SBNO2: variants seen among roughly 807,000 people sequenced by gnomAD.
The protein encoded by SBNO2 is protein strawberry notch homolog 2.
SBNO2 carries 89 observed loss-of-function variants against 146.3 expected under a neutral mutation model. The observed-to-expected ratio is 0.61, with a 90% CI of 0.51 to 0.73. The LOEUF (loss-of-function observed/expected upper bound fraction) is 0.73. Among genes scored for constraint, SBNO2 ranks in the 30% least tolerant of loss-of-function variants. SBNO2 has a pLI of 0.00. For missense variants in SBNO2, 2,092 were observed against 2,003.7 expected (o/e 1.04, Z -0.84); for synonymous variants, 1,147 against 892.6 (o/e 1.29, Z -5.08).
intron 4 of SBNO2, among the ~76,000 whole-genome samples, chr19:1,139,934 A>C (rs1474870416): frequency 3.3e-5 from 5 of 151,950 alleles, no homozygotes. Flanking sequence ...AGACACCAAA[A>C]GCAAAACTCC....
chr19:1,122,590 C>A, intron 9 of SBNO2, 32 bp from the exon 10 acceptor site: 2 of 1,504,348 alleles, frequency 1.3e-6, no homozygotes, highest in South Asian at 2.5e-5. Context: ...CGCGCCCACC[C>A]TTCCCCCTCG....
Position 1,112,590 on chromosome 19 carries a change from T to C in SBNO2, c.2380-53A>G. ...GGTTGGTGCAAGGCCCGCCCCAGCG[T>C]TGCCGCCACCTCCTCACCCACTAGG... is the stretch of plus-strand genomic sequence containing the variant. On this transcript the variant is annotated intron_variant, in intron 20 of 31. Coordinates refer to ENST00000361757, the MANE Select transcript of SBNO2 (RefSeq NM_014963.3). This position sits in a 1 kb window ranked among gnomAD's most constrained non-coding sequence, Gnocchi z 5.9. 6.6e-7 allele frequency: 1 copy of C among 1,523,032 alleles called. No homozygotes were observed. The highest frequency in any genetic ancestry group is 1.4e-5 in the African/African-American group (1 of 73,072). 94.3% of individuals were successfully genotyped at this position (1,523,032 alleles called of 1,614,324 possible).
chr19:1,147,420 G>C lies in SBNO2; in HGVS notation c.168C>G (p.Arg56=), dbSNP rs1272069695. The C allele has an allele frequency of 1.4e-6, 2 of 1,445,356 alleles. No homozygotes were observed. Among genetic ancestry groups the C allele is most frequent in the Non-Finnish European group, 9.2e-7 (1 of 1,087,386 alleles). The allele number at this position is 1,445,356 out of a possible 1,614,324, so 89.5% of individuals were successfully genotyped here. A position where few individuals can be genotyped will look rare whatever the true frequency, so the allele number is the denominator to read the frequency against. ...GGAAGGAGGCGGAGCTCATGAACGG[G>C]CTGGAGGGAGATGGGGGGGGGGGAG... ...PPYPAFSSDS[R]PFMSSASFLG... Residue 56 remains arginine (R), a splice_region_variant and synonymous_variant, in exon 4 of 32, where the codon CGC becomes CGG. Transcript: ENST00000361757.
chr19:1,135,574 G>T (rs578168444), intron 4 of SBNO2, among the ~76,000 whole-genome samples: 2 of 152,198 alleles, frequency 1.3e-5, no homozygotes, highest in African/African-American at 4.8e-5. Flanking sequence ...CACCTCCGGC[G>T]CCCCGCGCCC....
rs2080126464 is a variant in SBNO2, at chr19:1,140,613, G to T, written c.279+6696C>A. Among the ~76,000 whole-genome samples, 1 of 152,138 alleles carries T rather than the reference G, an allele frequency of 6.6e-6. No homozygotes were observed. Among genetic ancestry groups the T allele is most frequent in the Non-Finnish European group, 1.5e-5 (1 of 68,012 alleles). Reference sequence around the variant, plus strand: ...CGTGAGCCCCAGGGGTGGGGGTGGGGGTGGCCAGGGAGCAGGCAGAGAGCG... The same window carrying T: ...CGTGAGCCCCAGGGGTGGGGGTGGGTGTGGCCAGGGAGCAGGCAGAGAGCG... On this transcript the variant is annotated intron_variant, in intron 4 of 31. Coordinates refer to ENST00000361757, the MANE Select transcript of SBNO2 (RefSeq NM_014963.3). The surrounding 1 kb of genome is among the most constrained non-coding windows in gnomAD (Gnocchi z 4.4).
chr19:1,122,095 C>G, intron 11 of SBNO2, 44 bp downstream of exon 11: 1 of 1,353,098 alleles, frequency 7.4e-7, no homozygotes, highest in Non-Finnish European at 9.6e-7. Context: ...TCCCTCCGAC[C>G]CCCTAATCCA....
intron 14 of SBNO2, among the ~76,000 whole-genome samples, chr19:1,118,675 C>T (rs1176308105): frequency 2.0e-5 from 3 of 152,188 alleles, no homozygotes; most frequent in Non-Finnish European, 2.9e-5. Flanking sequence ...TTGAAACCAA[C>T]CTGGCCAACA....
rs967768309 is a variant in SBNO2 at position 1,123,182 on chromosome 19, G to A, written c.629-137C>T. On this transcript the variant is annotated intron_variant, in intron 7 of 31. Coordinates refer to ENST00000361757, the MANE Select transcript of SBNO2 (RefSeq NM_014963.3). ...TGGGGGCGTGGCCAGGTCCCGTTGG[G>A]CGGGTCATGGGCGTGGCCAGGAATG... 3 of 1,011,150 alleles carry A rather than the reference G, an allele frequency of 3.0e-6. No homozygotes were observed. The African/African-American group carries it at 4.8e-5, about 16-fold the overall frequency. The allele number at this position is 1,011,150 out of a possible 1,614,324, so 62.6% of individuals were successfully genotyped here. A position where few individuals can be genotyped will look rare whatever the true frequency, so the allele number is the denominator to read the frequency against.
At chr19:1,111,723 T>TCCCCTAGA in intron 23 of SBNO2, 109 bp from the exon 24 acceptor site, 1 of 316,230 alleles carries the variant, frequency 3.2e-6, no homozygotes, top group African/African-American at 1.0e-4. Flanking sequence ...GACCCTGCCC[T>TCCCCTAGA]CCCCTAGACT....
rs749926935 is a variant in SBNO2, at chr19:1,113,568, G to A, written c.2214C>T (p.Ile738=). The A allele has an allele frequency of 2.9e-5, 46 of 1,601,204 alleles. No individual in the cohort carries two copies. Among genetic ancestry groups the A allele is most frequent in the Admixed American group, 1.7e-4 (10 of 58,230 alleles). ...CCCGCTGGGGGCCGCCCAGCTGGTC[G>A]ATGAGCTCGTCCAGGGTGTTGACTG... ...ELPVNTLDEL[I]DQLGGPQRVA... The change falls in exon 19 of 32, where the codon ATC becomes ATT. Residue 738 remains isoleucine (I), a synonymous_variant. Coordinates refer to ENST00000361757, the MANE Select transcript of SBNO2 (RefSeq NM_014963.3).
chr19:1,153,540 A>G (rs996552627), intron 2 of SBNO2, among the ~76,000 whole-genome samples: 2 of 148,696 alleles, frequency 1.3e-5, no homozygotes, highest in Non-Finnish European at 3.0e-5. Flanking sequence ...TGCCAGGCCT[A>G]TTTTTCATTT....
intron 1 of SBNO2, among the ~76,000 whole-genome samples, chr19:1,169,426 C>T (rs2080457068): frequency 6.6e-6 from 1 of 152,250 alleles, no homozygotes; most frequent in African/African-American, 2.4e-5. Context: ...CACCAGGCAC[C>T]CTCAGGCTGA....
intron 18 of SBNO2, 21 bp from the exon 19 acceptor site, chr19:1,113,725 C>G: frequency 6.8e-7 from 1 of 1,479,676 alleles, no homozygotes. Flanking sequence ...GGTGGAGGGT[C>G]AGGGCAGGAC....
At position 1,109,392 on chromosome 19, in the gene SBNO2, G is replaced by T; in HGVS notation, c.3248C>A (p.Ala1083Glu). The T allele has an allele frequency of 6.4e-7, 1 of 1,570,348 alleles. No individual in the cohort carries two copies. Among genetic ancestry groups the T allele is most frequent in the Non-Finnish European group, 8.6e-7 (1 of 1,158,756 alleles). The change falls in exon 29 of 32, where the codon GCG (alanine) becomes GAG (glutamate). Residue 1083 changes from alanine to glutamate, a missense_variant. By Grantham distance (107) the Ala-to-Glu change is moderately radical. Coordinates refer to ENST00000361757, the MANE Select transcript of SBNO2 (RefSeq NM_014963.3). This position sits in a 1 kb window ranked among gnomAD's most constrained non-coding sequence, Gnocchi z 4.2. The stretch of plus-strand genomic sequence containing the variant: ...GAAGAACTGGCCGCGGTTCTGCTCC[G>T]CCAGCAGGCAGCTGGGCTTGTTACC... ...VRGNKPSCLL[A>E]EQNRGQFFTV...
chr19:1,127,690 C>T lies in SBNO2; in HGVS notation c.355G>A (p.Asp119Asn), dbSNP rs979049919. The change falls in exon 5 of 32, where the codon GAC becomes AAC. Residue 119 changes from aspartate (D) to asparagine (N), a missense_variant. By Grantham distance (23) the Asp-to-Asn change is conservative. Coordinates refer to ENST00000361757, the MANE Select transcript of SBNO2 (RefSeq NM_014963.3). Reference sequence around the variant, plus strand: ...TCAGCCGGCAGGAAGTCGGGCGTGTCCACGATGTCCGACAGGGAGTCCACG... The same window carrying T: ...TCAGCCGGCAGGAAGTCGGGCGTGTTCACGATGTCCGACAGGGAGTCCACG... Reference protein sequence around the residue: ...SSVDSLSDIVDTPDFLPADSL... With the variant: ...SSVDSLSDIVNTPDFLPADSL... 6.2e-7 allele frequency: 1 copy of T among 1,613,562 alleles called. No homozygotes were observed. Among genetic ancestry groups the T allele is most frequent in the South Asian group, 1.1e-5 (1 of 91,080 alleles).
intron 1 of SBNO2, among the ~76,000 whole-genome samples, chr19:1,168,315 C>T (rs1184503036): frequency 2.0e-5 from 3 of 152,064 alleles, no homozygotes; most frequent in Admixed American, 6.6e-5. Flanking sequence ...TAAAAGCCCC[C>T]GAAAATGCCC....
At chr19:1,165,264 C>T (rs1349855669) in intron 1 of SBNO2, among the ~76,000 whole-genome samples, 1 of 152,128 alleles carries the variant, frequency 6.6e-6, no homozygotes, top group Admixed American at 6.5e-5. Flanking sequence ...CAGCACGGTG[C>T]CGAATGCAGG....
intron 1 of SBNO2, among the ~76,000 whole-genome samples, chr19:1,165,017 C>T (rs1017360858): frequency 4.1e-5 from 6 of 145,166 alleles, no homozygotes; most frequent in African/African-American, 1.5e-4. Flanking sequence ...GTGGGTCTTC[C>T]ACAGGGTGTG....
Position 1,108,568 on chromosome 19 carries a change from G to A in SBNO2, c.3753C>T (p.Cys1251=), listed in dbSNP as rs955915778. The change falls in exon 32 of 32, where the codon TGC becomes TGT. Residue 1251 remains cysteine (C), a synonymous_variant. Coordinates refer to ENST00000361757, the MANE Select transcript of SBNO2 (RefSeq NM_014963.3). Reference sequence around the variant, plus strand: ...TGAGGTCCAGCACCTCTCCGGGGCCGCAAGGCAGCGCCAGCGGGCGCGGGG... The same window carrying A: ...TGAGGTCCAGCACCTCTCCGGGGCCACAAGGCAGCGCCAGCGGGCGCGGGG... The part of the protein sequence containing the change: ...PPAPRPLALP[C]GPGEVLDLTY... The A allele has an allele frequency of 5.7e-6, 7 of 1,231,296 alleles. No individual in the cohort carries two copies. The African/African-American group carries it at 8.1e-5, about 14-fold the overall frequency. The allele number at this position is 1,231,296 out of a possible 1,614,324, so 76.3% of individuals were successfully genotyped here. A position where few individuals can be genotyped will look rare whatever the true frequency, so the allele number is the denominator to read the frequency against.
Sources: allele counts gnomAD v4.1 joint callset (sites outside exome capture counted in the v4.1 genomes callset), GRCh38; gene constraint gnomAD v4.1.1; non-coding constraint Gnocchi (gnomAD v3.1); transcripts MANE v1.5; gene names NCBI Gene and HGNC (gene_info 2026-07-23, HGNC 2026-07-21).